Variants in TCERG1L observed in about 807,000 individuals in gnomAD.
The protein encoded by TCERG1L is transcription elongation regulator 1-like protein.
Under a neutral mutation model 56.3 loss-of-function variants are expected in TCERG1L, and 37 were observed. The observed-to-expected ratio is 0.66, with a 90% CI of 0.51 to 0.87. The LOEUF is 0.87. Among genes scored for constraint, TCERG1L ranks in the 40% least tolerant of loss-of-function variants. The probability of loss-of-function intolerance (pLI) is 0.00; values close to 1 mark genes in which losing one functional copy is unlikely to be tolerated. For synonymous variants in TCERG1L, 324 were observed against 326.3 expected (o/e 0.99, Z 0.08); for missense variants, 799 against 774.2 (o/e 1.03, Z -0.38).
chr10:131,112,016 C>A (rs11017728), intron 9 of TCERG1L, among the ~76,000 whole-genome samples: 25,560 of 142,120 alleles, frequency 0.18, 5,558 homozygotes, highest in Middle Eastern at 0.31. Flanking sequence ...TGCCATCTTC[C>A]TCTCTCCTGT....
At chr10:131,309,834 C>CA (rs58892586) in intron 1 of TCERG1L, among the ~76,000 whole-genome samples, 548 of 49,794 alleles carry the variant, frequency 0.011, 46 homozygotes, top group African/African-American at 0.023. Context: ...GATTCTATGG[C>CA]AAAAAAAAAA....
At chr10:131,227,429 G>T (rs939065608) in intron 4 of TCERG1L, among the ~76,000 whole-genome samples, 1 of 152,224 alleles carries the variant, frequency 6.6e-6, no homozygotes, top group Non-Finnish European at 1.5e-5. Flanking sequence ...TGGTTCCAGG[G>T]CAGCCCAGCT....
At chr10:131,297,293 G>A (rs1846708807) in intron 3 of TCERG1L, among the ~76,000 whole-genome samples, 1 of 152,122 alleles carries the variant, frequency 6.6e-6, no homozygotes, top group Admixed American at 6.5e-5. Flanking sequence ...TGAATGGATG[G>A]TGAATTTGAC....
chr10:131,137,421 A>T (rs748773381), intron 7 of TCERG1L, among the ~76,000 whole-genome samples: 9 of 152,152 alleles, frequency 5.9e-5, no homozygotes, highest in Non-Finnish European at 1.2e-4. Context: ...GGCCTCACAG[A>T]GGCTCTCTCA....
intron 3 of TCERG1L, among the ~76,000 whole-genome samples, chr10:131,266,209 A>G (rs779712285): frequency 6.6e-6 from 1 of 152,202 alleles, no homozygotes; most frequent in Non-Finnish European, 1.5e-5. Context: ...CACATCTTCA[A>G]GCTCCACTTC....
In TCERG1L at chr10:131,183,602, C is replaced by T. The variant is rs537971557; in HGVS notation, c.857-16717G>A. ...TATCTCAGTTTTCAGGAATTCTCTA[C>T]TACCTAAGACCGCTCCCAGAACAAG... On this transcript the variant is annotated intron_variant, in intron 4 of 11. Transcript: ENST00000368642. Among the ~76,000 whole-genome samples, 13 of 152,298 alleles carry T rather than the reference C, an allele frequency of 8.5e-5. No homozygotes were observed. In the East Asian group the frequency reaches 2.5e-3, roughly 29 times the overall value.
chr10:131,093,071 C>T lies in TCERG1L; in HGVS notation c.*91G>A, dbSNP rs553342525. The T allele has an allele frequency of 3.6e-4, 518 of 1,433,358 alleles. 1 individual carries two copies. Among genetic ancestry groups the T allele is most frequent in the Non-Finnish European group, 4.6e-4 (489 of 1,063,850 alleles). 88.8% of individuals were successfully genotyped at this position (1,433,358 alleles called of 1,614,324 possible). A position where few individuals can be genotyped will look rare whatever the true frequency, so the allele number is the denominator to read the frequency against. Reference sequence around the variant, plus strand: ...CCCGCTGGGCCGTGCAGGTCTCGGCCGCCCCACGCCCGTGTCCGTCTCCAC... The same window carrying T: ...CCCGCTGGGCCGTGCAGGTCTCGGCTGCCCCACGCCCGTGTCCGTCTCCAC... On this transcript the variant is annotated 3_prime_UTR_variant, in exon 12 of 12. Coordinates refer to ENST00000368642, the MANE Select transcript of TCERG1L (RefSeq NM_174937.4).
intron 10 of TCERG1L, among the ~76,000 whole-genome samples, chr10:131,100,690 G>A (rs1845296449): frequency 6.6e-6 from 1 of 152,140 alleles, no homozygotes; most frequent in South Asian, 2.1e-4. Flanking sequence ...CAGCTCCCCC[G>A]GCAGAGGAAG....
chr10:131,217,669 C>T (rs1029814836), intron 4 of TCERG1L, among the ~76,000 whole-genome samples: 22 of 147,050 alleles, frequency 1.5e-4, no homozygotes, highest in African/African-American at 5.5e-4. Context: ...TCCTTCCAGG[C>T]TGAGTCTTGC....
chr10:131,249,196 C>T (rs564342598), intron 4 of TCERG1L, among the ~76,000 whole-genome samples: 2 of 152,378 alleles, frequency 1.3e-5, no homozygotes, highest in African/African-American at 4.8e-5. Context: ...CTCAGGTTTA[C>T]TCTTTGCATT....
At chr10:131,141,160 A>G (rs1218643294) in intron 7 of TCERG1L, among the ~76,000 whole-genome samples, 1 of 152,160 alleles carries the variant, frequency 6.6e-6, no homozygotes, top group African/African-American at 2.4e-5. Flanking sequence ...GTCAATAATC[A>G]TAATGGGGAA....
At chr10:131,171,998 T>A (rs1427370202) in intron 4 of TCERG1L, among the ~76,000 whole-genome samples, 1 of 152,220 alleles carries the variant, frequency 6.6e-6, no homozygotes. Context: ...TATCTCCCAA[T>A]GCAAAAAGTA....
chr10:131,181,580 C>T (rs1332759542), intron 4 of TCERG1L, among the ~76,000 whole-genome samples: 2 of 152,272 alleles, frequency 1.3e-5, no homozygotes. Flanking sequence ...GAAGTAGATT[C>T]TAACAATTGT....
intron 4 of TCERG1L, among the ~76,000 whole-genome samples, chr10:131,223,139 C>T (rs751180867): frequency 6.6e-6 from 1 of 152,214 alleles, no homozygotes; most frequent in African/African-American, 2.4e-5. Flanking sequence ...AGGCTAAACC[C>T]GGGATTCAGG....
chr10:131,311,457 G>T lies in TCERG1L; in HGVS notation c.179C>A (p.Pro60Gln), dbSNP rs1846898182. 3.4e-6 allele frequency: 4 copies of T among 1,180,566 alleles called. No homozygotes were observed. In the Admixed American group the frequency reaches 1.8e-4, roughly 55 times the overall value. The allele number at this position is 1,180,566 out of a possible 1,614,324, so 73.1% of individuals were successfully genotyped here. A position where few individuals can be genotyped will look rare whatever the true frequency, so the allele number is the denominator to read the frequency against. ...CGGCGGGGCCGAGGCGAGCAGCACC[G>T]GGGGAACCACGACCCCCGCGCTGAG... ...LRLSAGVVVP[P>Q]VLLASAPPPA... Residue 60 changes from proline to glutamine, a missense_variant, in exon 1 of 12, where the codon CCG becomes CAG. Physicochemically the swap from Pro to Gln is moderately conservative, Grantham distance 76. Coordinates refer to ENST00000368642, the MANE Select transcript of TCERG1L (RefSeq NM_174937.4). This position sits in a 1 kb window ranked among gnomAD's most constrained non-coding sequence, Gnocchi z 4.0.
chr10:131,115,012 C>T (rs11592040), intron 9 of TCERG1L, among the ~76,000 whole-genome samples: 1 of 152,146 alleles, frequency 6.6e-6, no homozygotes, highest in African/African-American at 2.4e-5. Flanking sequence ...CCTGCACGTG[C>T]ACCTGTGGGT....
chr10:131,249,052 G>C (rs916403557), intron 4 of TCERG1L, among the ~76,000 whole-genome samples: 1 of 152,226 alleles, frequency 6.6e-6, no homozygotes, highest in African/African-American at 2.4e-5. Flanking sequence ...AAGGGAAAAG[G>C]TTCCCTCTCA....
At chr10:131,125,957 T>C (rs1001232673) in intron 8 of TCERG1L, among the ~76,000 whole-genome samples, 6 of 152,272 alleles carry the variant, frequency 3.9e-5, no homozygotes, top group Middle Eastern at 6.8e-3. Context: ...GGCTCTAGGA[T>C]GGGCAGAGAT....
chr10:131,151,808 G>A (rs1023458298), intron 6 of TCERG1L, among the ~76,000 whole-genome samples: 54 of 152,304 alleles, frequency 3.5e-4, no homozygotes, highest in African/African-American at 1.1e-3. Context: ...TGGACATCCA[G>A]GCATTTCCAT....
Sources: allele counts gnomAD v4.1 joint callset (sites outside exome capture counted in the v4.1 genomes callset), GRCh38; gene constraint gnomAD v4.1.1; non-coding constraint Gnocchi (gnomAD v3.1); transcripts MANE v1.5; gene names NCBI Gene and HGNC (gene_info 2026-07-23, HGNC 2026-07-21).